The following USH2A variants were observed in gnomAD, a reference collection of about 807,000 sequenced individuals.
USH2A encodes Usher syndrome 2A (autosomal recessive, mild).
In USH2A, 443 loss-of-function variants were observed where a neutral mutation model predicts 538.9. That is an observed-to-expected ratio of 0.82 (90% CI 0.76 to 0.89). USH2A has a LOEUF of 0.89. Among genes scored for constraint, USH2A ranks in the 40% least tolerant of loss-of-function variants. The pLI, the probability that USH2A is intolerant of heterozygous loss-of-function variation, is 0.00. For synonymous variants in USH2A, 2,413 were observed against 2,273.5 expected, an observed-to-expected ratio of 1.06 and a Z score of -1.75; for missense variants, 6,633 against 6,324.8, an observed-to-expected ratio of 1.05 and a Z score of -1.65.
chr1:215,758,286 CAAA>C (rs34577448), intron 58 of USH2A, among the ~76,000 whole-genome samples: 21 of 135,238 alleles, frequency 1.6e-4, no homozygotes, highest in African/African-American at 3.3e-4. Context: ...AACTCCGTCT[CAAA>C]AAAAAAAAAA....
At chr1:215,630,480 GTGTATATATA>G (rs1178017406) in intron 70 of USH2A, among the ~76,000 whole-genome samples, 3,134 of 105,692 alleles carry the variant, frequency 0.03, 58 homozygotes, top group Middle Eastern at 0.056. Flanking sequence ...GTATGTGTGT[GTGTATATATA>G]TATATATATA....
At chr1:215,764,012 G>T (rs1476182437) in intron 56 of USH2A, among the ~76,000 whole-genome samples, 1 of 152,130 alleles carries the variant, frequency 6.6e-6, no homozygotes, top group African/African-American at 2.4e-5. Flanking sequence ...GCAAGTTGAG[G>T]AGTAGAGTGG....
intron 36 of USH2A, among the ~76,000 whole-genome samples, chr1:215,967,469 A>T (rs1377987828): frequency 6.6e-6 from 1 of 152,156 alleles, no homozygotes; most frequent in African/African-American, 2.4e-5. Flanking sequence ...GCCTGGCCAT[A>T]AACTGTTATT....
intron 38 of USH2A, among the ~76,000 whole-genome samples, chr1:215,934,084 T>C (rs1231198230): frequency 6.6e-6 from 1 of 152,042 alleles, no homozygotes; most frequent in Non-Finnish European, 1.5e-5. Flanking sequence ...TGCTGAACTG[T>C]AATTATTAGG....
At chr1:215,844,863 A>G (rs1486625770) in intron 45 of USH2A, among the ~76,000 whole-genome samples, 1 of 152,226 alleles carries the variant, frequency 6.6e-6, no homozygotes, top group Non-Finnish European at 1.5e-5. Flanking sequence ...GGAAGGAAAT[A>G]AAATTTGCTC....
intron 32 of USH2A, among the ~76,000 whole-genome samples, chr1:216,014,567 A>G (rs1223830640): frequency 6.6e-6 from 1 of 152,178 alleles, no homozygotes; most frequent in African/African-American, 2.4e-5. Flanking sequence ...GGGTGGGGAA[A>G]CCCTGAAAAC....
At position 215,888,941 on chromosome 1, in the gene USH2A, G is replaced by A; in HGVS notation, c.7708C>T (p.Leu2570=). Residue 2570 remains leucine, a synonymous_variant, in exon 41 of 72, where the codon CTA becomes TTA. Coordinates refer to ENST00000307340, the MANE Select transcript of USH2A (RefSeq NM_206933.4). ...GTTCTCAAGTATAGACGGCCATGTAGATAAATGTTATAATGGGTAATAACC... is the reference window on the plus strand; with the variant it reads ...GTTCTCAAGTATAGACGGCCATGTAAATAAATGTTATAATGGGTAATAACC... ...NGVITHYNIY[L]HGRLYLRTPG... is the part of the protein sequence containing the mutation. 1 of 1,614,170 alleles carries A rather than the reference G, an allele frequency of 6.2e-7. No individual in the cohort carries two copies. Among genetic ancestry groups the A allele is most frequent in the Non-Finnish European group, 8.5e-7 (1 of 1,180,028 alleles).
chr1:215,768,896 C>T (rs1661203703), intron 55 of USH2A, among the ~76,000 whole-genome samples: 1 of 152,084 alleles, frequency 6.6e-6, no homozygotes, highest in South Asian at 2.1e-4. Flanking sequence ...GTCACTTTCC[C>T]CTATAGTGCC....
intron 3 of USH2A, among the ~76,000 whole-genome samples, chr1:216,414,843 G>A (rs2039550416): frequency 6.6e-6 from 1 of 152,008 alleles, no homozygotes; most frequent in Admixed American, 6.6e-5. Flanking sequence ...GACTAAACAA[G>A]ATTATTAATC....
Position 215,640,586 on chromosome 1 carries a change from G to A in USH2A, c.14940C>T (p.Thr4980=), listed in dbSNP as rs369245184. Residue 4980 remains threonine, a synonymous_variant, in exon 68 of 72, where the codon ACC becomes ACT. Transcript: ENST00000307340. ...GRRVYSGLDT[T]LYIPRTADKT... ...TGTCCGCCGTTCTCGGTATGTAGAGGGTGGTGTCCAAGCCGCTGTACACGC... is the reference window on the plus strand; with the variant it reads ...TGTCCGCCGTTCTCGGTATGTAGAGAGTGGTGTCCAAGCCGCTGTACACGC... The A allele has an allele frequency of 1.0e-4, 167 of 1,613,568 alleles. No individual in the cohort carries two copies. The highest frequency in any genetic ancestry group is 1.4e-4 in the Non-Finnish European group (162 of 1,179,958).
chr1:216,226,017 T>C lies in USH2A; in HGVS notation c.2993+5936A>G, dbSNP rs114215379. ...ATTGAAAGGACATATTAAAAAGGAG[T>C]AGCCAAAAAAAGAGTTAGAAAACAA... On this transcript the variant is annotated intron_variant, in intron 14 of 71. Coordinates refer to ENST00000307340, the MANE Select transcript of USH2A (RefSeq NM_206933.4). 4.2e-3 allele frequency among the ~76,000 whole-genome samples: 634 copies of C among 151,476 alleles called. 1 individual carries two copies. The highest frequency in any genetic ancestry group is 0.015 in the African/African-American group (606 of 41,242).
At chr1:216,395,647 T>A (rs1355568687) in intron 3 of USH2A, among the ~76,000 whole-genome samples, 1 of 152,138 alleles carries the variant, frequency 6.6e-6, no homozygotes, top group Non-Finnish European at 1.5e-5. Context: ...TGTAAAGAAG[T>A]TTCTCTCCAC....
intron 14 of USH2A, among the ~76,000 whole-genome samples, chr1:216,231,292 C>CAGAGAGAGAGAGAGAG (rs371376479): frequency 1.8e-5 from 1 of 56,692 alleles, no homozygotes; most frequent in African/African-American, 6.7e-5. Flanking sequence ...CACAGAGAGA[C>CAGAGAGAGAGAGAGAG]AGAGAGAGAG....
intron 20 of USH2A, among the ~76,000 whole-genome samples, chr1:216,188,259 C>T (rs2034647355): frequency 6.6e-6 from 1 of 151,840 alleles, no homozygotes. Context: ...ATGCATAGGG[C>T]AGGCAGATTC....
intron 47 of USH2A, among the ~76,000 whole-genome samples, chr1:215,829,681 G>A (rs1663258425): frequency 6.6e-6 from 1 of 152,142 alleles, no homozygotes; most frequent in Non-Finnish European, 1.5e-5. Context: ...ACACACACAA[G>A]GCTAACTGCT....
intron 50 of USH2A, among the ~76,000 whole-genome samples, chr1:215,797,239 G>A (rs1050669056): frequency 6.6e-6 from 1 of 152,132 alleles, no homozygotes; most frequent in African/African-American, 2.4e-5. Context: ...ACAGAAGTTG[G>A]TTCATGAGGT....
chr1:215,870,581 G>A (rs747280136), intron 43 of USH2A, among the ~76,000 whole-genome samples: 1 of 151,734 alleles, frequency 6.6e-6, no homozygotes, highest in African/African-American at 2.4e-5. Flanking sequence ...ACAGGCGTGA[G>A]TCACCGCGCC....
chr1:215,768,745 G>A lies in USH2A; in HGVS notation c.10940-1957C>T, dbSNP rs528543726. ...TGGCAAACTCGTTTAGCTCGACAAT[G>A]TCTCCCCTTCATTCTCTTTACCGAC... is the stretch of plus-strand genomic sequence containing the variant. On this transcript the variant is annotated intron_variant, in intron 55 of 71. Coordinates refer to ENST00000307340, the MANE Select transcript of USH2A (RefSeq NM_206933.4). 6.6e-5 allele frequency among the ~76,000 whole-genome samples: 10 copies of A among 152,290 alleles called. No homozygotes were observed. In the South Asian group the frequency reaches 2.1e-3, roughly 32 times the overall value.
intron 11 of USH2A, among the ~76,000 whole-genome samples, chr1:216,285,071 T>C (rs947842732): frequency 1.4e-4 from 21 of 152,178 alleles, no homozygotes; most frequent in Non-Finnish European, 2.9e-4. Context: ...CAAAACACAT[T>C]TTCCGGAGAG....
Sources: allele counts gnomAD v4.1 joint callset (sites outside exome capture counted in the v4.1 genomes callset), GRCh38; gene constraint gnomAD v4.1.1; transcripts MANE v1.5; gene names NCBI Gene and HGNC (gene_info 2026-07-23, HGNC 2026-07-21).